Variants in CTNNA2 observed in about 807,000 individuals in gnomAD.
CTNNA2 encodes the protein catenin alpha 2.
Under a neutral mutation model 101.0 loss-of-function variants are expected in CTNNA2, and 42 were observed. The ratio of observed to expected loss-of-function variants is 0.42; its 90% CI spans 0.32 to 0.54. The LOEUF (loss-of-function observed/expected upper bound fraction) is 0.54, where lower values mean the gene tolerates loss of function less well. CTNNA2 is among the 20% of genes least tolerant of loss of function. CTNNA2 has a pLI of 0.14. For synonymous variants in CTNNA2, 450 were observed against 456.4 expected (o/e 0.99, Z 0.18); for missense variants, 871 against 1,223.1 (o/e 0.71, Z 4.29).
intron 2 of CTNNA2, among the ~76,000 whole-genome samples, chr2:79,660,259 G>A (rs1308984963): frequency 6.7e-6 from 1 of 148,964 alleles, no homozygotes; most frequent in East Asian, 2.0e-4. Context: ...ATATACATAT[G>A]TATGTATATA....
At chr2:80,365,573 A>T (rs1674843638) in intron 7 of CTNNA2, among the ~76,000 whole-genome samples, 1 of 116,670 alleles carries the variant, frequency 8.6e-6, no homozygotes, top group Admixed American at 7.8e-5. Context: ...GTTTTTTGGA[A>T]AAAAAAAAAA....
intron 7 of CTNNA2, among the ~76,000 whole-genome samples, chr2:80,342,298 A>G (rs1672316862): frequency 6.6e-6 from 1 of 152,220 alleles, no homozygotes. Flanking sequence ...AGCAAATAGT[A>G]TCACCTGGAG....
intron 9 of CTNNA2, among the ~76,000 whole-genome samples, chr2:80,488,259 T>A (rs17019225): frequency 0.28 from 42,155 of 152,124 alleles, 6,848 homozygotes; most frequent in East Asian, 0.59. Context: ...ACTCATTTCA[T>A]AAATTCATAA....
At chr2:79,825,556 T>C (rs1355279124) in intron 3 of CTNNA2, among the ~76,000 whole-genome samples, 3 of 151,956 alleles carry the variant, frequency 2.0e-5, no homozygotes, top group African/African-American at 7.3e-5. Flanking sequence ...AGACAAGGTG[T>C]GGAACAGGTT....
At chr2:80,358,276 T>C (rs1674036232) in intron 7 of CTNNA2, among the ~76,000 whole-genome samples, 1 of 151,950 alleles carries the variant, frequency 6.6e-6, no homozygotes, top group South Asian at 2.1e-4. Context: ...GTGTCTGGCA[T>C]GTAATAGATA....
intron 12 of CTNNA2, chr2:80,572,610 C>G (rs765948883): frequency 6.6e-6 from 1 of 152,150 alleles, no homozygotes; most frequent in Non-Finnish European, 1.5e-5. Flanking sequence ...AAAATAATTT[C>G]ATGCTCACTA....
chr2:80,443,719 A>G (rs1682810591), intron 9 of CTNNA2, among the ~76,000 whole-genome samples: 1 of 152,228 alleles, frequency 6.6e-6, no homozygotes, highest in South Asian at 2.1e-4. Context: ...GAAGTTAATA[A>G]TAGTGCCCAA....
intron 9 of CTNNA2, among the ~76,000 whole-genome samples, chr2:80,439,335 A>G (rs1196800088): frequency 1.3e-5 from 2 of 152,178 alleles, no homozygotes; most frequent in East Asian, 1.9e-4. Flanking sequence ...ATATGAATAA[A>G]TGAAGCATTG....
intron 7 of CTNNA2, among the ~76,000 whole-genome samples, chr2:80,061,994 A>G (rs1176221250): frequency 6.6e-6 from 1 of 152,246 alleles, no homozygotes; most frequent in African/African-American, 2.4e-5. Flanking sequence ...GCTTCAGAAT[A>G]GAATGCTGTA....
At chr2:79,620,180 T>C (rs558473210) in intron 1 of CTNNA2, among the ~76,000 whole-genome samples, 1 of 152,324 alleles carries the variant, frequency 6.6e-6, no homozygotes, top group East Asian at 1.9e-4. Flanking sequence ...CCAAGAATAA[T>C]TTCTAAACTT....
intron 7 of CTNNA2, among the ~76,000 whole-genome samples, chr2:80,046,904 G>T (rs1696566598): frequency 6.6e-6 from 1 of 152,176 alleles, no homozygotes; most frequent in South Asian, 2.1e-4. Flanking sequence ...AAGAGGTATA[G>T]CACGGATTCA....
chr2:80,141,629 T>A (rs1266114341), intron 7 of CTNNA2, among the ~76,000 whole-genome samples: 1 of 152,092 alleles, frequency 6.6e-6, no homozygotes, highest in Non-Finnish European at 1.5e-5. Flanking sequence ...TTCTGTAGGC[T>A]GAGTTCCACC....
intron 7 of CTNNA2, among the ~76,000 whole-genome samples, chr2:80,021,853 A>T (rs1439847097): frequency 6.6e-6 from 1 of 152,210 alleles, no homozygotes; most frequent in African/African-American, 2.4e-5. Context: ...GAATGGTCAC[A>T]TGGCCTAAAT....
Position 79,445,666 on chromosome 2 carries a change from G to A in CTNNA2, c.-134-59388G>A, listed in dbSNP as rs554632364. 1.2e-3 allele frequency among the ~76,000 whole-genome samples: 183 copies of A among 152,222 alleles called. No homozygotes were observed. In the Middle Eastern group the frequency reaches 0.014, roughly 11 times the overall value. On this transcript the variant is annotated intron_variant, in intron 4 of 21. Coordinates refer to the CTNNA2 transcript ENST00000466387. ...TTGTGGGATGTCTAAAACAGCAAAT[G>A]TGAGTGGACACACTGCATGCTCGTA...
At chr2:80,280,342 G>A (rs891051620) in intron 7 of CTNNA2, among the ~76,000 whole-genome samples, 1 of 150,912 alleles carries the variant, frequency 6.6e-6, no homozygotes, top group East Asian at 2.1e-4. Context: ...CCACTTCCCT[G>A]GGGACGTCAA....
intron 11 of CTNNA2, among the ~76,000 whole-genome samples, chr2:80,548,509 A>G (rs1692290507): frequency 6.6e-6 from 1 of 151,864 alleles, no homozygotes; most frequent in Non-Finnish European, 1.5e-5. Context: ...TCTCCTTGTC[A>G]TTCCTTTGTG....
chr2:80,416,912 G>A (rs1408765568), intron 8 of CTNNA2, among the ~76,000 whole-genome samples: 1 of 151,914 alleles, frequency 6.6e-6, no homozygotes, highest in Non-Finnish European at 1.5e-5. Flanking sequence ...GTATCTTAAA[G>A]ACAATATTTT....
intron 9 of CTNNA2, among the ~76,000 whole-genome samples, chr2:80,476,427 T>G (rs1008939288): frequency 6.6e-6 from 1 of 152,202 alleles, no homozygotes; most frequent in East Asian, 1.9e-4. Context: ...TGTAGGAAAC[T>G]GGACTTTAAC....
At chr2:79,500,453 T>C (rs1671307002) in intron 4 of CTNNA2, among the ~76,000 whole-genome samples, 2 of 152,190 alleles carry the variant, frequency 1.3e-5, no homozygotes, top group Non-Finnish European at 2.9e-5. Flanking sequence ...ATGCAGTCCT[T>C]CTTATCCAGG....
Sources: gnomAD v4.1 joint callset for allele counts (sites outside exome capture counted in the v4.1 genomes callset) on GRCh38, gnomAD v4.1.1 for gene constraint, MANE v1.5 for transcripts, NCBI Gene and HGNC (gene_info 2026-07-23, HGNC 2026-07-21) for gene names.